PCDHA12: variants seen among roughly 807,000 people sequenced by gnomAD.
PCDHA12 encodes the protein protocadherin alpha 12, also known as protocadherin alpha-12.
In PCDHA12, 44 loss-of-function variants were observed where a neutral mutation model predicts 60.0. The observed-to-expected ratio is 0.73, with a 90% CI of 0.58 to 0.94. PCDHA12 has a LOEUF of 0.94. Among genes scored for constraint, PCDHA12 ranks in the 40% least tolerant of loss-of-function variants. The pLI is 0.00. For missense variants in PCDHA12, 1,276 were observed against 1,239.7 expected, an observed-to-expected ratio of 1.03 and a Z score of -0.44; for synonymous variants, 569 against 553.0, an observed-to-expected ratio of 1.03 and a Z score of -0.40.
intron 1 of PCDHA12, among the ~76,000 whole-genome samples, chr5:140,895,931 C>A (rs1365477787): frequency 5.3e-5 from 8 of 152,210 alleles, no homozygotes; most frequent in African/African-American, 1.9e-4. Flanking sequence ...CTGCCTCAGC[C>A]TCCCGAGTAG....
At chr5:140,925,690 G>GT (rs2082677818) in intron 1 of PCDHA12, among the ~76,000 whole-genome samples, 1 of 149,642 alleles carries the variant, frequency 6.7e-6, no homozygotes, top group African/African-American at 2.5e-5. Flanking sequence ...GCGAGGGTGG[G>GT]TATCTAGCCT....
At position 140,999,690 on chromosome 5, in the gene PCDHA12, G is replaced by A. The variant is rs113599808; in HGVS notation, c.2516-9937G>A. Among the ~76,000 whole-genome samples the A allele has an allele frequency of 6.4e-3, 977 of 152,230 alleles. 14 individuals are homozygous for A. Among genetic ancestry groups the A allele is most frequent in the African/African-American group, 0.023 (950 of 41,554 alleles). Reference sequence around the variant, plus strand: ...CGGGGGGCTCACAGAAAGAAGAAATGTGATTTTTTTTTAGCTAACTACGGA... The same window carrying A: ...CGGGGGGCTCACAGAAAGAAGAAATATGATTTTTTTTTAGCTAACTACGGA... On this transcript the variant is annotated intron_variant, in intron 3 of 3. Coordinates refer to ENST00000398631, the MANE Select transcript of PCDHA12 (RefSeq NM_018903.4).
intron 1 of PCDHA12, chr5:140,927,498 G>A (rs782816586): frequency 3.1e-6 from 5 of 1,614,138 alleles, no homozygotes; most frequent in Middle Eastern, 1.6e-4. Context: ...ACCTGCTGGT[G>A]CTTACAGCTC....
intron 1 of PCDHA12, chr5:140,929,227 G>A (rs141300036): frequency 6.2e-6 from 10 of 1,613,774 alleles, no homozygotes; most frequent in Admixed American, 5.0e-5. Context: ...CAATGCTGCC[G>A]ACCTGCGAAA....
chr5:140,927,482 C>G, intron 1 of PCDHA12: 1 of 1,614,086 alleles, frequency 6.2e-7, no homozygotes, highest in Non-Finnish European at 8.5e-7. Flanking sequence ...GAACAGCGCG[C>G]CACCCACCTG....
chr5:140,888,572 A>G (rs1354616132), intron 1 of PCDHA12, among the ~76,000 whole-genome samples: 1 of 152,196 alleles, frequency 6.6e-6, no homozygotes, highest in Admixed American at 6.5e-5. Context: ...GCTTCATTTT[A>G]AGATTTGTTA....
chr5:140,997,334 C>G (rs2097767888), intron 3 of PCDHA12, among the ~76,000 whole-genome samples: 3 of 152,098 alleles, frequency 2.0e-5, no homozygotes, highest in Admixed American at 2.0e-4. Flanking sequence ...TTTCGTTGTA[C>G]AAATATCATA....
At chr5:140,997,603 C>T (rs781897268) in intron 3 of PCDHA12, among the ~76,000 whole-genome samples, 2 of 151,824 alleles carry the variant, frequency 1.3e-5, no homozygotes, top group African/African-American at 2.4e-5. Flanking sequence ...GATTATGGGG[C>T]GCATGACTAT....
intron 1 of PCDHA12, chr5:140,966,628 C>G (rs944715570): frequency 7.9e-5 from 76 of 964,108 alleles, no homozygotes; most frequent in Non-Finnish European, 1.0e-4. Flanking sequence ...GGGAGCGGCC[C>G]CAGGCGCTTT....
intron 1 of PCDHA12, among the ~76,000 whole-genome samples, chr5:140,960,767 G>A (rs1160174091): frequency 1.3e-5 from 2 of 152,036 alleles, no homozygotes; most frequent in Admixed American, 6.6e-5. Context: ...GAGTTACAGA[G>A]GAGAAATAGG....
chr5:140,893,198 C>T (rs1242904411), intron 1 of PCDHA12, among the ~76,000 whole-genome samples: 2 of 152,164 alleles, frequency 1.3e-5, no homozygotes, highest in Admixed American at 6.5e-5. Flanking sequence ...AATAGTGCTG[C>T]AGTAAGTATG....
Position 141,010,239 on chromosome 5 carries a change from G to A in PCDHA12, c.*302G>A. ...AGGCTTCCCAGCCCCGCCAGTGAGA[G>A]GTTGGACTCTCTGCCCTGTGCTCCG... On this transcript the variant is annotated 3_prime_UTR_variant, in exon 4 of 4. Transcript: ENST00000398631. 1 of 1,551,938 alleles carries A rather than the reference G, an allele frequency of 6.4e-7. No homozygotes were observed. Among genetic ancestry groups the A allele is most frequent in the Non-Finnish European group, 8.7e-7 (1 of 1,147,044 alleles).
At chr5:140,898,705 A>G (rs1351081569) in intron 1 of PCDHA12, among the ~76,000 whole-genome samples, 2 of 152,142 alleles carry the variant, frequency 1.3e-5, no homozygotes, top group African/African-American at 4.8e-5. Flanking sequence ...ACTTTAAAGT[A>G]GTTTTTTCCA....
At chr5:140,964,998 G>C (rs2095868277) in intron 1 of PCDHA12, among the ~76,000 whole-genome samples, 1 of 152,166 alleles carries the variant, frequency 6.6e-6, no homozygotes, top group Admixed American at 6.5e-5. Flanking sequence ...TTTGAATTCT[G>C]GGTGTCAGGA....
intron 1 of PCDHA12, among the ~76,000 whole-genome samples, chr5:140,905,180 TAA>T (rs2071657008): frequency 6.6e-6 from 1 of 152,224 alleles, no homozygotes; most frequent in Non-Finnish European, 1.5e-5. Flanking sequence ...GTTTTAGATT[TAA>T]GTCTTTGATC....
chr5:140,994,434 G>A (rs1238502710), intron 3 of PCDHA12, among the ~76,000 whole-genome samples: 1 of 152,156 alleles, frequency 6.6e-6, no homozygotes, highest in African/African-American at 2.4e-5. Flanking sequence ...CGGGCGCAGT[G>A]GCTCACACCT....
Position 140,995,490 on chromosome 5 carries a change from A to C in PCDHA12, c.2515+12927A>C, listed in dbSNP as rs181247682. Among the ~76,000 whole-genome samples the C allele has an allele frequency of 2.7e-3, 416 of 152,304 alleles. 1 individual carries two copies. The highest frequency in any genetic ancestry group is 4.2e-3 in the Non-Finnish European group (283 of 68,028). ...ATTTTTCATTTAATATTTTCAGACT[A>C]AGGTTGACTGTGGGTAACTGAAGCC... is the stretch of plus-strand genomic sequence containing the variant. On this transcript the variant is annotated intron_variant, in intron 3 of 3. Transcript: ENST00000398631.
chr5:140,925,048 C>A (rs574148178), intron 1 of PCDHA12, among the ~76,000 whole-genome samples: 1 of 150,658 alleles, frequency 6.6e-6, no homozygotes, highest in South Asian at 2.1e-4. Flanking sequence ...AAGTTTGAGA[C>A]CAGACTGGGC....
intron 1 of PCDHA12, among the ~76,000 whole-genome samples, chr5:140,886,842 AAAAAAG>A (rs1562824849): frequency 6.6e-6 from 1 of 151,524 alleles, no homozygotes. Flanking sequence ...AAAAAAAAAA[AAAAAAG>A]AAAGGTCTTC....
Sources: allele counts gnomAD v4.1 joint callset (sites outside exome capture counted in the v4.1 genomes callset), GRCh38; gene constraint gnomAD v4.1.1; transcripts MANE v1.5; gene names NCBI Gene and HGNC (gene_info 2026-07-23, HGNC 2026-07-21).